Variants in LSR observed in about 807,000 individuals in gnomAD.
LSR encodes the protein lipolysis-stimulated lipoprotein receptor.
In LSR, 44 loss-of-function variants were observed where a neutral mutation model predicts 61.8. The ratio of observed to expected loss-of-function variants is 0.71; its 90% CI spans 0.56 to 0.91. The LOEUF is 0.91. LSR is among the 40% of genes least tolerant of loss of function. The pLI is 0.00. For missense variants in LSR, 911 were observed against 830.5 expected, an observed-to-expected ratio of 1.10 and a Z score of -1.19; for synonymous variants, 397 against 350.6, an observed-to-expected ratio of 1.13 and a Z score of -1.48.
chr19:35,254,481 C>T (rs1414852100), intron 2 of LSR, among the ~76,000 whole-genome samples: 1 of 152,178 alleles, frequency 6.6e-6, no homozygotes, highest in Non-Finnish European at 1.5e-5. Flanking sequence ...TGGCTCATTC[C>T]CTGCTTTGTC....
intron 2 of LSR, among the ~76,000 whole-genome samples, chr19:35,257,168 G>A (rs1396938034): frequency 2.6e-5 from 4 of 152,132 alleles, no homozygotes; most frequent in Admixed American, 6.6e-5. Context: ...TCCTTGCCAG[G>A]TATTGTGTCA....
rs371275530 is a variant in LSR at position 35,250,649 on chromosome 19, C to T, written c.444C>T (p.Thr148=). Residue 148 remains threonine (T), a synonymous_variant, in exon 2 of 10, where the codon ACC becomes ACT. Coordinates refer to ENST00000605618, the MANE Select transcript of LSR (RefSeq NM_205834.4). ...LGDYYQGRRI[T]ITGNADLTFD... is the part of the protein sequence containing the mutation. Reference sequence around the variant, plus strand: ...ATTACTACCAGGGCCGGAGGATTACCATCACCGGAAGTATGTTGGGCAGGG... The same window carrying T: ...ATTACTACCAGGGCCGGAGGATTACTATCACCGGAAGTATGTTGGGCAGGG... The T allele has an allele frequency of 4.7e-5, 73 of 1,560,016 alleles. No individual in the cohort carries two copies. The highest frequency in any genetic ancestry group is 5.9e-5 in the Non-Finnish European group (68 of 1,145,952).
At chr19:35,259,522 C>G (rs1363030541) in intron 3 of LSR, 1 of 158,434 alleles carries the variant, frequency 6.3e-6, no homozygotes, top group Admixed American at 6.0e-5. Flanking sequence ...CCTGTAATCC[C>G]AGTTACTCAG....
intron 1 of LSR, chr19:35,249,360 C>T (rs1599586551): frequency 1.8e-6 from 1 of 542,890 alleles, no homozygotes; most frequent in Non-Finnish European, 3.1e-6. Flanking sequence ...AAGTGAAACT[C>T]CCTGGACGGT....
chr19:35,258,975 G>A lies in LSR; in HGVS notation c.485G>A (p.Trp162Ter), dbSNP rs374784835. ...GACCTGACCTTTGACCAGACGGCGT[G>A]GGGGGACAGTGGTGTGTATTACTGC... Reference protein sequence around the residue: ...NADLTFDQTAWGDSGVYYCSV... With the variant: ...NADLTFDQTA The change falls in exon 3 of 10, where the codon TGG (tryptophan) becomes TAG (stop). Residue 162 changes from tryptophan (W) to a stop codon, truncating the protein, a stop_gained. Transcript: ENST00000605618. LOFTEE classifies it high-confidence loss of function. 1.7e-5 allele frequency: 28 copies of A among 1,613,926 alleles called. No homozygotes were observed. Among genetic ancestry groups the A allele is most frequent in the Non-Finnish European group, 2.2e-5 (26 of 1,179,938 alleles).
At chr19:35,250,750 G>T in intron 2 of LSR, 91 bp downstream of exon 2, 1 of 958,308 alleles carries the variant, frequency 1.0e-6, no homozygotes, top group Non-Finnish European at 1.5e-6. Context: ...CCATCTGAAA[G>T]CTCTTGAGTG....
chr19:35,256,920 T>G (rs2065864086), intron 2 of LSR, among the ~76,000 whole-genome samples: 1 of 151,984 alleles, frequency 6.6e-6, no homozygotes, highest in Admixed American at 6.6e-5. Context: ...CACTGCAATC[T>G]CTGCCTCCTG....
chr19:35,266,904 GAGA>G lies in LSR; in HGVS notation c.1084_1086del (p.Lys362del). ...CTCCATGCGGGTCCTGTACTACATG[GAGA>G]AGGAGCTGGCCAACTTCGACCCTTC... On this transcript the variant is annotated inframe_deletion, in exon 8 of 10. Transcript: ENST00000605618. The G allele has an allele frequency of 6.2e-7, 1 of 1,613,816 alleles. No homozygotes were observed. The highest frequency in any genetic ancestry group is 8.5e-7 in the Non-Finnish European group (1 of 1,179,876).
In LSR at chr19:35,266,515, T is replaced by G; in HGVS notation, c.935T>G (p.Val312Gly). ...TACCCTGGAGGATACCCTGGAGACGTTGACAGGAGTAGCTCAGGTGAGGCC... is the reference window on the plus strand; with the variant it reads ...TACCCTGGAGGATACCCTGGAGACGGTGACAGGAGTAGCTCAGGTGAGGCC... ...NGYPGGYPGDVDRSSSAGGQG... is the reference protein window; with the variant it reads ...NGYPGGYPGDGDRSSSAGGQG... Residue 312 changes from valine to glycine, a missense_variant, in exon 6 of 10, where the codon GTT (valine) becomes GGT (glycine). Physicochemically the swap from Val to Gly is moderately radical, Grantham distance 109 (BLOSUM62 -3). Coordinates refer to ENST00000605618, the MANE Select transcript of LSR (RefSeq NM_205834.4). 1.2e-6 allele frequency: 2 copies of G among 1,606,774 alleles called. No individual in the cohort carries two copies. Among genetic ancestry groups the G allele is most frequent in the African/African-American group, 2.7e-5 (2 of 74,938 alleles).
At chr19:35,259,368 G>A (rs975076037) in intron 3 of LSR, 5 of 248,692 alleles carry the variant, frequency 2.0e-5, no homozygotes, top group Non-Finnish European at 3.9e-5. Context: ...GTCCGGGTGC[G>A]GTAGTTCATG....
chr19:35,267,686 G>GTACT lies in LSR; in HGVS notation c.1723_1726dup (p.Ser576LeufsTer30). 6.2e-7 allele frequency: 1 copy of GTACT among 1,602,232 alleles called. No individual in the cohort carries two copies. The highest frequency in any genetic ancestry group is 1.1e-5 in the South Asian group (1 of 90,404). ...CCTACTACCCGCCCGCGCCGCCCCCGTACTCGGAGACCGACTCGCAGGCGT... is the reference window on the plus strand; with the variant it reads ...CCTACTACCCGCCCGCGCCGCCCCCGTACTTACTCGGAGACCGACTCGCAGGCGT... On this transcript the variant is annotated frameshift_variant, in exon 9 of 10. Coordinates refer to ENST00000605618, the MANE Select transcript of LSR (RefSeq NM_205834.4). LOFTEE classifies it high-confidence loss of function.
chr19:35,249,603 C>T (rs372878201), intron 1 of LSR, among the ~76,000 whole-genome samples: 1 of 152,066 alleles, frequency 6.6e-6, no homozygotes, highest in Non-Finnish European at 1.5e-5. Context: ...ACTCCCCATC[C>T]CCCGCACCCC....
intron 2 of LSR, among the ~76,000 whole-genome samples, chr19:35,257,897 C>G (rs977995490): frequency 1.3e-5 from 2 of 152,096 alleles, no homozygotes; most frequent in Non-Finnish European, 2.9e-5. Flanking sequence ...GTCCCCAAGC[C>G]CTGGGCCTGA....
At position 35,258,986 on chromosome 19, in the gene LSR, G is replaced by A. The variant is rs772525485; in HGVS notation, c.496G>A (p.Gly166Ser). 2 of 1,614,032 alleles carry A rather than the reference G, an allele frequency of 1.2e-6. No individual in the cohort carries two copies. Among genetic ancestry groups the A allele is most frequent in the Non-Finnish European group, 1.7e-6 (2 of 1,179,994 alleles). ...TFDQTAWGDS[G>S]VYYCSVVSAQ... ...TGACCAGACGGCGTGGGGGGACAGT[G>A]GTGTGTATTACTGCTCCGTGGTCTC... The change falls in exon 3 of 10, where the codon GGT becomes AGT. Residue 166 changes from glycine (G) to serine (S), a missense_variant. Gly to Ser is a moderately conservative substitution (Grantham distance 56). Transcript: ENST00000605618.
chr19:35,262,822 A>C lies in LSR; in HGVS notation c.778+130A>C, dbSNP rs959276587. The C allele has an allele frequency of 4.5e-6, 5 of 1,120,156 alleles. No homozygotes were observed. In the East Asian group the frequency reaches 1.3e-4, roughly 29 times the overall value. 69.4% of individuals were successfully genotyped at this position (1,120,156 alleles called of 1,614,324 possible). A position where few individuals can be genotyped will look rare whatever the true frequency, so the allele number is the denominator to read the frequency against. ...GTGTGAATTTAGCCAGTGGGGAGAA[A>C]GTAGGCTGAGGAGGGTCTGCTGTTT... On this transcript the variant is annotated intron_variant, in intron 5 of 9. Transcript: ENST00000605618.
chr19:35,266,705 C>T lies in LSR; in HGVS notation c.979C>T (p.Leu327=). The T allele has an allele frequency of 6.2e-7, 1 of 1,609,182 alleles. No individual in the cohort carries two copies. Among genetic ancestry groups the T allele is most frequent in the Non-Finnish European group, 8.5e-7 (1 of 1,178,148 alleles). ...SAGGQGSYVP[L]LRDTDSSVAS... ...TGGTGGCCAAGGCTCCTATGTACCC[C>T]TGCTTCGGGACACGGACAGCAGTGT... The change falls in exon 7 of 10, where the codon CTG becomes TTG. Residue 327 remains leucine, a synonymous_variant. Coordinates refer to ENST00000605618, the MANE Select transcript of LSR (RefSeq NM_205834.4).
intron 5 of LSR, among the ~76,000 whole-genome samples, chr19:35,263,324 C>A (rs548044574): frequency 6.6e-6 from 1 of 151,824 alleles, no homozygotes; most frequent in South Asian, 2.1e-4. Flanking sequence ...AGTTAAGAAA[C>A]CAAACAAGGT....
At chr19:35,266,569 G>T (rs768657158) in intron 6 of LSR, 37 bp downstream of exon 6, 7 of 1,600,882 alleles carry the variant, frequency 4.4e-6, no homozygotes. Context: ...TGGTGGGAGT[G>T]TGCTGGGCAT....
At position 35,256,729 on chromosome 19, in the gene LSR, T is replaced by A. The variant is rs12977477; in HGVS notation, c.455-2216T>A. 2.5e-3 allele frequency among the ~76,000 whole-genome samples: 96 copies of A among 37,798 alleles called. No homozygotes were observed. In the South Asian group the frequency reaches 0.028, roughly 11 times the overall value. 24.8% of individuals were successfully genotyped at this position (37,798 alleles called of 152,430 possible). On this transcript the variant is annotated intron_variant, in intron 2 of 9. Transcript: ENST00000605618. ...ATGAATGAATGAATGAATGAATGAA[T>A]GAAAGAAAGAAAGAAATGTGTCTTT...
Sources: gnomAD v4.1 joint callset for allele counts (sites outside exome capture counted in the v4.1 genomes callset) on GRCh38, gnomAD v4.1.1 for gene constraint, MANE v1.5 for transcripts, NCBI Gene and HGNC (gene_info 2026-07-23, HGNC 2026-07-21) for gene names.